The following ATP6V1E2 variants were observed in gnomAD, a reference collection of about 807,000 sequenced individuals.
The protein encoded by ATP6V1E2 is V-type proton ATPase subunit E 2.
For synonymous variants in ATP6V1E2, 121 were observed against 104.2 expected (o/e 1.16, Z -0.98); for missense variants, 308 against 273.3 (o/e 1.13, Z -0.90).
rs994247015 is a variant in ATP6V1E2 at position 46,536,640 on chromosome 2, G to T, written c.-246C>A. 1 of 152,240 alleles carries T rather than the reference G, an allele frequency of 6.6e-6. No individual in the cohort carries two copies. 9.4% of individuals were successfully genotyped at this position (152,240 alleles called of 1,614,324 possible). A position where few individuals can be genotyped will look rare whatever the true frequency, so the allele number is the denominator to read the frequency against. On this transcript the variant is annotated 5_prime_UTR_variant, in exon 3 of 5. Coordinates refer to ENST00000522587, the MANE Select transcript of ATP6V1E2 (RefSeq NM_001318063.2). ...GACTTCTAAGAAGATGGTTCACAGA[G>T]GGAGAAGAATACAGGCCAAAATTAG... is the stretch of plus-strand genomic sequence containing the variant.
At chr2:46,532,777 C>G (rs1342828729) in intron 4 of ATP6V1E2, among the ~76,000 whole-genome samples, 1 of 152,136 alleles carries the variant, frequency 6.6e-6, no homozygotes, top group East Asian at 1.9e-4. Context: ...TCTGCTGATT[C>G]CTTGATCTTA....
chr2:46,538,502 A>T (rs1179103571), intron 2 of ATP6V1E2, among the ~76,000 whole-genome samples: 1 of 151,916 alleles, frequency 6.6e-6, no homozygotes, highest in East Asian at 1.9e-4. Flanking sequence ...GGCAAAAAAA[A>T]AAGGGGAAGA....
intron 4 of ATP6V1E2, among the ~76,000 whole-genome samples, chr2:46,525,190 G>T (rs939576783): frequency 6.6e-6 from 1 of 152,180 alleles, no homozygotes; most frequent in Non-Finnish European, 1.5e-5. Context: ...AGCAGGGACA[G>T]GCGGCCGGGC....
At chr2:46,539,634 G>T (rs1418839363) in intron 2 of ATP6V1E2, among the ~76,000 whole-genome samples, 1 of 152,184 alleles carries the variant, frequency 6.6e-6, no homozygotes, top group Non-Finnish European at 1.5e-5. Context: ...GCATTATATG[G>T]TTCCCAATTA....
chr2:46,513,596 C>G (rs1385615795), intron 4 of ATP6V1E2, among the ~76,000 whole-genome samples: 2 of 151,664 alleles, frequency 1.3e-5, no homozygotes, highest in Non-Finnish European at 2.9e-5. Context: ...GAGGTTGAGA[C>G]GGGTGGATCA....
At chr2:46,522,525 G>C (rs2103867961) in intron 4 of ATP6V1E2, among the ~76,000 whole-genome samples, 1 of 152,276 alleles carries the variant, frequency 6.6e-6, no homozygotes, top group East Asian at 1.9e-4. Flanking sequence ...CTTTGCTGAG[G>C]ATGATGGCTT....
chr2:46,525,748 C>A (rs1666888505), intron 4 of ATP6V1E2, among the ~76,000 whole-genome samples: 1 of 152,160 alleles, frequency 6.6e-6, no homozygotes, highest in Non-Finnish European at 1.5e-5. Context: ...GGGAAGAAAC[C>A]TTTCTCCCAA....
At chr2:46,519,871 C>T (rs1394014564) in intron 4 of ATP6V1E2, 1 of 152,164 alleles carries the variant, frequency 6.6e-6, no homozygotes, top group African/African-American at 2.4e-5. Context: ...GATTAGGTTT[C>T]CACTCACTAA....
At chr2:46,537,655 A>T (rs1166661273) in intron 2 of ATP6V1E2, 1 of 152,128 alleles carries the variant, frequency 6.6e-6, no homozygotes, top group Non-Finnish European at 1.5e-5. Context: ...GGATTTTTCC[A>T]TAACAGAAGT....
chr2:46,526,899 T>C (rs1181573060), intron 4 of ATP6V1E2, among the ~76,000 whole-genome samples: 1 of 152,176 alleles, frequency 6.6e-6, no homozygotes, highest in East Asian at 1.9e-4. Flanking sequence ...TGCCTAGAAG[T>C]AGAATTGCTG....
intron 4 of ATP6V1E2, chr2:46,520,036 T>C (rs1666531961): frequency 6.6e-6 from 1 of 152,214 alleles, no homozygotes; most frequent in Non-Finnish European, 1.5e-5. Flanking sequence ...AGCTCCTGAA[T>C]CCCAGGATTC....
chr2:46,511,853 GC>G lies in ATP6V1E2; in HGVS notation c.*177del. On this transcript the variant is annotated 3_prime_UTR_variant, in exon 5 of 5. Coordinates refer to ENST00000522587, the MANE Select transcript of ATP6V1E2 (RefSeq NM_001318063.2). The stretch of plus-strand genomic sequence containing the variant: ...GGATGAATTGGAATTTGAATTCTGA[GC>G]ATTAATTTGGGCTTTATTTCAAAGT... The G allele has an allele frequency of 1.8e-6, 1 of 566,786 alleles. No individual in the cohort carries two copies. Among genetic ancestry groups the G allele is most frequent in the East Asian group, 3.1e-5 (1 of 32,018 alleles). The allele number at this position is 566,786 out of a possible 1,614,324, so 35.1% of individuals were successfully genotyped here. A position where few individuals can be genotyped will look rare whatever the true frequency, so the allele number is the denominator to read the frequency against.
Position 46,512,000 on chromosome 2 carries a change from T to G in ATP6V1E2, c.*31A>C. 2.0e-6 allele frequency: 3 copies of G among 1,526,858 alleles called. No homozygotes were observed. Among genetic ancestry groups the G allele is most frequent in the Non-Finnish European group, 2.6e-6 (3 of 1,140,136 alleles). 94.6% of individuals were successfully genotyped at this position (1,526,858 alleles called of 1,614,324 possible). On this transcript the variant is annotated 3_prime_UTR_variant, in exon 5 of 5. Coordinates refer to ENST00000522587, the MANE Select transcript of ATP6V1E2 (RefSeq NM_001318063.2). ...AAAAACTTAAACTTTTATGGTTTAG[T>G]GGTTCAACACTAGCTTCACTTCCCA...
In ATP6V1E2 at chr2:46,525,196, C is replaced by G. The variant is rs374347734; in HGVS notation, c.-102+10617G>C. Among the ~76,000 whole-genome samples, 9 of 152,090 alleles carry G rather than the reference C, an allele frequency of 5.9e-5. No individual in the cohort carries two copies. The East Asian group carries it at 1.2e-3, about 20-fold the overall frequency. On this transcript the variant is annotated intron_variant, in intron 4 of 4. Coordinates refer to ENST00000522587, the MANE Select transcript of ATP6V1E2 (RefSeq NM_001318063.2). The stretch of plus-strand genomic sequence containing the variant: ...TTGTGAGAAAGCAGGGACAGGCGGC[C>G]GGGCGCGGTGGCTCACGCCTGTAAT...
At chr2:46,538,628 A>AGTG (rs879731088) in intron 2 of ATP6V1E2, among the ~76,000 whole-genome samples, 21 of 151,848 alleles carry the variant, frequency 1.4e-4, no homozygotes, top group South Asian at 2.1e-4. Context: ...ATGGGGGAGT[A>AGTG]GTGGTGGTGG....
intron 2 of ATP6V1E2, 73 bp downstream of exon 2, chr2:46,541,317 C>T (rs1667755437): frequency 6.6e-6 from 1 of 152,240 alleles, no homozygotes; most frequent in South Asian, 2.1e-4. Flanking sequence ...AATGCGCATA[C>T]CTAGTCGCAG....
At chr2:46,527,227 T>C (rs1237851567) in intron 4 of ATP6V1E2, among the ~76,000 whole-genome samples, 1 of 151,990 alleles carries the variant, frequency 6.6e-6, no homozygotes, top group African/African-American at 2.4e-5. Context: ...TTTTTATTTA[T>C]TTATTTATTT....
chr2:46,540,943 C>T (rs1002204726), intron 2 of ATP6V1E2, among the ~76,000 whole-genome samples: 4 of 152,210 alleles, frequency 2.6e-5, no homozygotes, highest in Admixed American at 6.5e-5. Context: ...GCTTCTCCTA[C>T]TCTTAGCTCA....
intron 4 of ATP6V1E2, among the ~76,000 whole-genome samples, chr2:46,522,463 A>G (rs1172457595): frequency 1.1e-5 from 1 of 93,814 alleles, no homozygotes; most frequent in Non-Finnish European, 2.0e-5. Flanking sequence ...TCAATGTTCA[A>G]CTTCCACTAT....
Sources: gnomAD v4.1 joint callset for allele counts (sites outside exome capture counted in the v4.1 genomes callset) on GRCh38, gnomAD v4.1.1 for gene constraint, MANE v1.5 for transcripts, NCBI Gene and HGNC (gene_info 2026-07-23, HGNC 2026-07-21) for gene names.